Variants in ALMS1 observed in about 807,000 individuals in gnomAD.
ALMS1 encodes the protein centrosome-associated protein ALMS1.
Under a neutral mutation model 352.2 loss-of-function variants are expected in ALMS1, and 271 were observed. The observed-to-expected ratio is 0.77, with a 90% CI of 0.70 to 0.85. The LOEUF (loss-of-function observed/expected upper bound fraction) is 0.85. Among genes scored for constraint, ALMS1 ranks in the 40% least tolerant of loss-of-function variants. The pLI is 0.00. For missense variants in ALMS1, 5,445 were observed against 4,870.7 expected, an observed-to-expected ratio of 1.12 and a Z score of -3.51; for synonymous variants, 1,865 against 1,761.2, an observed-to-expected ratio of 1.06 and a Z score of -1.48.
chr2:73,575,245 C>G (rs1356739796), intron 16 of ALMS1, among the ~76,000 whole-genome samples: 1 of 152,084 alleles, frequency 6.6e-6, no homozygotes, highest in Non-Finnish European at 1.5e-5. Context: ...CACCTGTCTG[C>G]AATTCTTTTG....
At chr2:73,577,499 A>C (rs1056404592) in intron 16 of ALMS1, among the ~76,000 whole-genome samples, 1 of 151,640 alleles carries the variant, frequency 6.6e-6, no homozygotes, top group African/African-American at 2.4e-5. Flanking sequence ...CTTATGATTC[A>C]AAGTTAGGTT....
chr2:73,461,246 G>A (rs1672193813), intron 9 of ALMS1, among the ~76,000 whole-genome samples: 1 of 152,178 alleles, frequency 6.6e-6, no homozygotes, highest in Admixed American at 6.5e-5. Flanking sequence ...AAAACTTCCA[G>A]AGGAATGATC....
At position 73,490,707 on chromosome 2, in the gene ALMS1, A is replaced by G. The variant is rs1558667300; in HGVS notation, c.8748A>G (p.Pro2916=). Residue 2916 remains proline, a synonymous_variant, in exon 10 of 23, where the codon CCA becomes CCG. Transcript: ENST00000613296. ...CTCAACATCAGGATTATGTAGCTCCAGACCTTCCTTCTTGCATTTTTCTTG... is the reference window on the plus strand; with the variant it reads ...CTCAACATCAGGATTATGTAGCTCCGGACCTTCCTTCTTGCATTTTTCTTG... ...PSPQHQDYVA[P]DLPSCIFLEQ... 1 of 1,614,174 alleles carries G rather than the reference A, an allele frequency of 6.2e-7. No homozygotes were observed.
intron 11 of ALMS1, among the ~76,000 whole-genome samples, chr2:73,523,289 G>A (rs1207747840): frequency 6.6e-6 from 1 of 152,104 alleles, no homozygotes; most frequent in Non-Finnish European, 1.5e-5. Context: ...CATAGTTATG[G>A]TCCATAAGGC....
intron 1 of ALMS1, among the ~76,000 whole-genome samples, chr2:73,402,260 TTC>T (rs199906776): frequency 1.3e-5 from 2 of 149,562 alleles, no homozygotes; most frequent in South Asian, 2.1e-4. Flanking sequence ...TTTTCTTTCT[TTC>T]TCTCTCTCTT....
At chr2:73,456,118 A>G (rs1043607879) in intron 9 of ALMS1, among the ~76,000 whole-genome samples, 2 of 152,210 alleles carry the variant, frequency 1.3e-5, no homozygotes, top group Non-Finnish European at 2.9e-5. Context: ...GAAATAGAAC[A>G]TTACCAAATA....
At chr2:73,500,062 A>G (rs937923265) in intron 10 of ALMS1, among the ~76,000 whole-genome samples, 2 of 152,224 alleles carry the variant, frequency 1.3e-5, no homozygotes, top group Admixed American at 6.5e-5. Flanking sequence ...ATTCCTTAAT[A>G]GCAGTGCAAA....
chr2:73,410,162 G>T (rs961755780), intron 2 of ALMS1, among the ~76,000 whole-genome samples: 4 of 152,154 alleles, frequency 2.6e-5, no homozygotes. Flanking sequence ...GCTGAGGTGG[G>T]TGGATCACCT....
chr2:73,534,918 A>G lies in ALMS1; in HGVS notation c.9876A>G (p.Lys3292=), dbSNP rs1673995110. ...LRQIPPSPDS[K]SDTTVESSHS... is the part of the protein sequence containing the mutation. ...AAATTCCTCCATCTCCGGATTCCAAATCAGATACCACCGTTGAAAGCTCCC... is the reference window on the plus strand; with the variant it reads ...AAATTCCTCCATCTCCGGATTCCAAGTCAGATACCACCGTTGAAAGCTCCC... Residue 3292 remains lysine, a synonymous_variant, in exon 12 of 23, where the codon AAA becomes AAG. Transcript: ENST00000613296. The G allele has an allele frequency of 3.1e-6, 5 of 1,613,808 alleles. No individual in the cohort carries two copies. Among genetic ancestry groups the G allele is most frequent in the Non-Finnish European group, 4.2e-6 (5 of 1,179,786 alleles).
intron 16 of ALMS1, among the ~76,000 whole-genome samples, chr2:73,583,138 T>C (rs1331256340): frequency 2.0e-5 from 3 of 152,126 alleles, no homozygotes. Context: ...TTTTTTTATA[T>C]GCTTTTTGGC....
chr2:73,386,225 G>T, intron 1 of ALMS1, 33 bp downstream of exon 1: 2 of 1,484,030 alleles, frequency 1.3e-6, no homozygotes, highest in Non-Finnish European at 1.8e-6. Context: ...GTGGAGCCGC[G>T]GCGAGTTGGG....
intron 16 of ALMS1, among the ~76,000 whole-genome samples, chr2:73,593,532 C>T (rs1388165890): frequency 6.6e-6 from 1 of 152,178 alleles, no homozygotes; most frequent in Non-Finnish European, 1.5e-5. Context: ...TCATAGTCCA[C>T]ATTTTTTTCA....
At chr2:73,478,843 CT>C (rs1156979611) in intron 9 of ALMS1, among the ~76,000 whole-genome samples, 2 of 152,162 alleles carry the variant, frequency 1.3e-5, no homozygotes, top group African/African-American at 2.4e-5. Flanking sequence ...CCCCTTGCCC[CT>C]GACCCCACCG....
intron 10 of ALMS1, among the ~76,000 whole-genome samples, chr2:73,513,321 C>T (rs149930145): frequency 2.8e-4 from 42 of 152,272 alleles, no homozygotes; most frequent in African/African-American, 4.8e-4. Context: ...CCCCACCCCA[C>T]GTAGGTTCTG....
chr2:73,413,030 T>A (rs759881291), intron 2 of ALMS1, among the ~76,000 whole-genome samples: 3 of 151,874 alleles, frequency 2.0e-5, no homozygotes, highest in Admixed American at 6.6e-5. Context: ...AGGAGATGTA[T>A]TATTGGTGTC....
At chr2:73,509,725 C>T (rs1374870069) in intron 10 of ALMS1, among the ~76,000 whole-genome samples, 8 of 152,060 alleles carry the variant, frequency 5.3e-5, no homozygotes, top group African/African-American at 1.7e-4. Flanking sequence ...GTGAATCTGA[C>T]GATTATGTGT....
intron 16 of ALMS1, among the ~76,000 whole-genome samples, chr2:73,585,306 T>C (rs1192840002): frequency 6.6e-6 from 1 of 152,176 alleles, no homozygotes; most frequent in African/African-American, 2.4e-5. Context: ...TTTTTTATTT[T>C]TTTATTTATG....
At chr2:73,438,035 T>C (rs1254706707) in intron 7 of ALMS1, among the ~76,000 whole-genome samples, 1 of 152,188 alleles carries the variant, frequency 6.6e-6, no homozygotes, top group East Asian at 1.9e-4. Flanking sequence ...GTACAATCCC[T>C]GTGTGGCCCT....
chr2:73,597,632 T>G (rs1675578855), intron 16 of ALMS1, among the ~76,000 whole-genome samples: 1 of 152,222 alleles, frequency 6.6e-6, no homozygotes, highest in African/African-American at 2.4e-5. Flanking sequence ...TTTTACCATC[T>G]AAATCATCTG....
Sources: gnomAD v4.1 joint callset for allele counts (sites outside exome capture counted in the v4.1 genomes callset) on GRCh38, gnomAD v4.1.1 for gene constraint, MANE v1.5 for transcripts, NCBI Gene and HGNC (gene_info 2026-07-23, HGNC 2026-07-21) for gene names.